Variants in MCC observed in about 807,000 individuals in gnomAD.
MCC encodes colorectal mutant cancer protein.
A neutral mutation model predicts 116.2 loss-of-function variants in MCC; 90 were observed. The observed-to-expected ratio is 0.77, with a 90% confidence interval of 0.65 to 0.92. The LOEUF (loss-of-function observed/expected upper bound fraction) is 0.92. Ranked by LOEUF, MCC falls within the 40% of genes least tolerant of loss-of-function variation. The pLI, the probability that MCC is intolerant of heterozygous loss-of-function variation, is 0.00. For synonymous variants in MCC, 578 were observed against 510.5 expected, an observed-to-expected ratio of 1.13 and a Z score of -1.78; for missense variants, 1,516 against 1,312.2, an observed-to-expected ratio of 1.16 and a Z score of -2.40.
chr5:113,087,524 A>C (rs1755283938), intron 8 of MCC, among the ~76,000 whole-genome samples: 1 of 152,224 alleles, frequency 6.6e-6, no homozygotes, highest in African/African-American at 2.4e-5. Context: ...ATTATGCCAC[A>C]AAGAGAGACT....
chr5:113,431,765 G>GA (rs963353135), intron 1 of MCC, among the ~76,000 whole-genome samples: 4 of 98,770 alleles, frequency 4.0e-5, no homozygotes, highest in South Asian at 3.0e-4. Context: ...GGAGGCCAAG[G>GA]GGGGGGGGGG....
rs377003718 is a variant in MCC at position 113,242,839 on chromosome 5, G to C, written c.628-91417C>G. ...ACTGTGTACTGTGGAAATCGAGAAA[G>C]CAAAGCCGTGACTTTACCAAAAGTA... On this transcript the variant is annotated intron_variant, in intron 3 of 18. Coordinates refer to ENST00000408903, the MANE Select transcript of MCC (RefSeq NM_001085377.2). 3.6e-4 allele frequency among the ~76,000 whole-genome samples: 55 copies of C among 152,276 alleles called. 1 individual carries two copies. In the South Asian group the frequency reaches 5.0e-3, roughly 14 times the overall value.
At chr5:113,274,518 C>T (rs983225184) in intron 3 of MCC, among the ~76,000 whole-genome samples, 3 of 152,146 alleles carry the variant, frequency 2.0e-5, no homozygotes, top group South Asian at 2.1e-4. Context: ...TGCCACCACA[C>T]CCGGCTAATT....
chr5:113,251,989 C>T (rs1238755004), intron 3 of MCC, among the ~76,000 whole-genome samples: 1 of 152,184 alleles, frequency 6.6e-6, no homozygotes, highest in Admixed American at 6.5e-5. Flanking sequence ...TTCAGATTCT[C>T]AGTAAAATTA....
rs184665034 is a variant in MCC, at chr5:113,198,129, C to T, written c.628-46707G>A. ...TGTATAAGTCTAGCATAAAGCAAGT[C>T]TCGTGCCACATACAGAAATGGTATC... On this transcript the variant is annotated intron_variant, in intron 3 of 18. Coordinates refer to ENST00000408903, the MANE Select transcript of MCC (RefSeq NM_001085377.2). Among the ~76,000 whole-genome samples the T allele has an allele frequency of 2.0e-5, 3 of 152,312 alleles. No homozygotes were observed. The East Asian group carries it at 5.8e-4, about 29-fold the overall frequency.
intron 13 of MCC, among the ~76,000 whole-genome samples, chr5:113,066,975 C>CG (rs1753653092): frequency 6.6e-6 from 1 of 152,190 alleles, no homozygotes; most frequent in South Asian, 2.1e-4. Flanking sequence ...CATGGAGAGA[C>CG]GGCCACCTTT....
chr5:113,340,798 C>T, intron 2 of MCC, 68 bp from the exon 3 acceptor site: 1 of 1,324,598 alleles, frequency 7.5e-7, no homozygotes, highest in East Asian at 2.4e-5. Context: ...GGCCAATAGG[C>T]AATGATTTGG....
At chr5:113,482,235 T>G (rs1385164090) in intron 1 of MCC, among the ~76,000 whole-genome samples, 1 of 152,200 alleles carries the variant, frequency 6.6e-6, no homozygotes, top group African/African-American at 2.4e-5. Flanking sequence ...TTTATGTTTT[T>G]GGGTGGACAT....
chr5:113,066,984 T>G (rs963324185), intron 13 of MCC, among the ~76,000 whole-genome samples: 2 of 152,224 alleles, frequency 1.3e-5, no homozygotes, highest in African/African-American at 4.8e-5. Context: ...ACGGCCACCT[T>G]TCTCCTTGGG....
rs940428933 is a variant in MCC, at chr5:113,116,442, C to T, written c.1027+6242G>A. Among the ~76,000 whole-genome samples, 4 of 152,088 alleles carry T rather than the reference C, an allele frequency of 2.6e-5. No individual in the cohort carries two copies. In the East Asian group the frequency reaches 7.7e-4, roughly 29 times the overall value. On this transcript the variant is annotated intron_variant, in intron 6 of 18. Transcript: ENST00000408903. ...ATGCTGGTTTTAAGAAAAATTATGT[C>T]ATGAATTTCAAATAACCAAAACCAA...
chr5:113,179,879 T>C (rs1331491525), intron 3 of MCC, among the ~76,000 whole-genome samples: 1 of 152,198 alleles, frequency 6.6e-6, no homozygotes, highest in East Asian at 1.9e-4. Context: ...CCATCTTTTG[T>C]CTTCTCAACC....
chr5:113,091,734 G>C (rs1014491787), intron 8 of MCC, among the ~76,000 whole-genome samples: 2 of 152,076 alleles, frequency 1.3e-5, no homozygotes, highest in South Asian at 4.2e-4. Flanking sequence ...CAACAACAAC[G>C]AATCAGCCAG....
intron 14 of MCC, 113 bp from the exon 15 acceptor site, chr5:113,054,072 G>A (rs1752660743): frequency 2.7e-6 from 2 of 737,814 alleles, no homozygotes; most frequent in Non-Finnish European, 4.5e-6. Context: ...TTATTTAGAT[G>A]GTAATCCAAA....
At chr5:113,423,357 T>C (rs926702603) in intron 1 of MCC, among the ~76,000 whole-genome samples, 6 of 152,200 alleles carry the variant, frequency 3.9e-5, no homozygotes, top group African/African-American at 1.4e-4. Flanking sequence ...CAACAATCTA[T>C]ATTAAACAGG....
At chr5:113,446,151 A>G (rs910630400) in intron 1 of MCC, among the ~76,000 whole-genome samples, 1 of 152,250 alleles carries the variant, frequency 6.6e-6, no homozygotes, top group African/African-American at 2.4e-5. Flanking sequence ...ATAGAATCTT[A>G]GAAGAAAACT....
intron 2 of MCC, among the ~76,000 whole-genome samples, chr5:113,354,777 A>G (rs773313421): frequency 4.1e-4 from 32 of 78,154 alleles, no homozygotes; most frequent in Non-Finnish European, 7.1e-4. Flanking sequence ...TCAACCATAT[A>G]CCCTGTATTA....
chr5:113,317,709 T>C (rs1219435364), intron 3 of MCC, among the ~76,000 whole-genome samples: 2 of 152,228 alleles, frequency 1.3e-5, no homozygotes, highest in African/African-American at 4.8e-5. Flanking sequence ...AAAAATGGCA[T>C]TGTAGCATAT....
intron 3 of MCC, among the ~76,000 whole-genome samples, chr5:113,283,864 C>A (rs971132479): frequency 6.6e-6 from 1 of 152,212 alleles, no homozygotes; most frequent in African/African-American, 2.4e-5. Context: ...TTAGCTTCTG[C>A]CACCTGGGAC....
At chr5:113,173,889 T>C (rs1761195595) in intron 3 of MCC, among the ~76,000 whole-genome samples, 1 of 152,120 alleles carries the variant, frequency 6.6e-6, no homozygotes, top group Admixed American at 6.6e-5. Context: ...AAGGTCTAAG[T>C]GCAGGGATTT....
Sources: gnomAD v4.1 joint callset for allele counts (sites outside exome capture counted in the v4.1 genomes callset) on GRCh38, gnomAD v4.1.1 for gene constraint, MANE v1.5 for transcripts, NCBI Gene and HGNC (gene_info 2026-07-23, HGNC 2026-07-21) for gene names.